The following TMCC3 variants were observed in gnomAD, a reference collection of about 807,000 sequenced individuals.
TMCC3 encodes the protein transmembrane and coiled-coil domain family 3, also known as transmembrane and coiled-coil domain protein 3.
A neutral mutation model predicts 40.2 loss-of-function variants in TMCC3; 28 were observed. The observed-to-expected ratio is 0.70, with a 90% CI of 0.52 to 0.95. The LOEUF (loss-of-function observed/expected upper bound fraction) is 0.95. TMCC3 is among the 40% of genes least tolerant of loss of function. The pLI, the probability that TMCC3 is intolerant of heterozygous loss-of-function variation, is 0.00. For synonymous variants in TMCC3, 255 were observed against 248.5 expected, an observed-to-expected ratio of 1.03 and a Z score of -0.25; for missense variants, 554 against 615.2, an observed-to-expected ratio of 0.90 and a Z score of 1.05.
At chr12:94,647,461 C>A (rs1173057789) in intron 1 of TMCC3, among the ~76,000 whole-genome samples, 2 of 152,194 alleles carry the variant, frequency 1.3e-5, no homozygotes, top group Non-Finnish European at 1.5e-5. Flanking sequence ...AATGACCATT[C>A]AGTAACTAAG....
At chr12:94,595,929 A>G (rs2068712687) in intron 1 of TMCC3, among the ~76,000 whole-genome samples, 1 of 152,252 alleles carries the variant, frequency 6.6e-6, no homozygotes, top group African/African-American at 2.4e-5. Context: ...TGGCATAGAA[A>G]AACAGCCTTA....
At chr12:94,645,996 A>T (rs1406492319) in intron 1 of TMCC3, among the ~76,000 whole-genome samples, 1 of 152,216 alleles carries the variant, frequency 6.6e-6, no homozygotes, top group Non-Finnish European at 1.5e-5. Flanking sequence ...ATTATGTAGA[A>T]GTAGGAACTA....
intron 3 of TMCC3, among the ~76,000 whole-genome samples, chr12:94,574,392 C>CA (rs142348445): frequency 0.028 from 4,032 of 141,854 alleles, 134 homozygotes; most frequent in South Asian, 0.12. Context: ...TCTCAAAAAA[C>CA]AAAAAAAAAA....
chr12:94,639,038 T>A (rs2086779), intron 1 of TMCC3, among the ~76,000 whole-genome samples: 18,451 of 152,288 alleles, frequency 0.12, 1,529 homozygotes, highest in Non-Finnish European at 0.17. Context: ...CCACCCACTA[T>A]CTGTCCTTGC....
At chr12:94,576,025 A>T (rs2068562641) in intron 3 of TMCC3, among the ~76,000 whole-genome samples, 1 of 152,070 alleles carries the variant, frequency 6.6e-6, no homozygotes, top group Non-Finnish European at 1.5e-5. Context: ...TGATCCTTCT[A>T]CCTCAGCCTC....
At chr12:94,611,834 C>A (rs952640008) in intron 1 of TMCC3, among the ~76,000 whole-genome samples, 2 of 151,634 alleles carry the variant, frequency 1.3e-5, no homozygotes, top group African/African-American at 4.8e-5. Context: ...TATTTTTGAC[C>A]CCTGGTTGGT....
rs905803438 is a variant in TMCC3, at chr12:94,571,256, A to G, written c.*179T>C. The G allele has an allele frequency of 3.0e-6, 2 of 659,738 alleles. No homozygotes were observed. Among genetic ancestry groups the G allele is most frequent in the Non-Finnish European group, 5.1e-6 (2 of 393,052 alleles). The allele number at this position is 659,738 out of a possible 1,614,324, so 40.9% of individuals were successfully genotyped here. On this transcript the variant is annotated 3_prime_UTR_variant, in exon 4 of 4. Coordinates refer to ENST00000261226, the MANE Select transcript of TMCC3 (RefSeq NM_020698.4). ...TGAAACAGATTCGTGTTAACGAAGTACAAGGACTGAGTTGGCAACTGCTAC... is the reference window on the plus strand; with the variant it reads ...TGAAACAGATTCGTGTTAACGAAGTGCAAGGACTGAGTTGGCAACTGCTAC...
intron 1 of TMCC3, among the ~76,000 whole-genome samples, chr12:94,612,454 G>A (rs2138860561): frequency 6.6e-6 from 1 of 151,624 alleles, no homozygotes; most frequent in African/African-American, 2.4e-5. Context: ...GAGACTACAG[G>A]TGCCCGCCAC....
At position 94,597,166 on chromosome 12, in the gene TMCC3, A is replaced by ATATATATATATATAT. The variant is rs1491007129; in HGVS notation, c.79-14629_79-14628insATATATATATATATA. On this transcript the variant is annotated intron_variant, in intron 1 of 3. Transcript: ENST00000261226. The stretch of plus-strand genomic sequence containing the variant: ...ATATATATATATATATATGTATATA[A>ATATATATATATATAT]ATTAGCCAGGCCTGCTGGCGTGCCT... 5.8e-4 allele frequency among the ~76,000 whole-genome samples: 53 copies of ATATATATATATATAT among 90,966 alleles called. 2 individuals are homozygous for ATATATATATATATAT. The highest frequency in any genetic ancestry group is 1.6e-3 in the Admixed American group (13 of 8,102). The allele number at this position is 90,966 out of a possible 152,430, so 59.7% of individuals were successfully genotyped here.
intron 1 of TMCC3, among the ~76,000 whole-genome samples, chr12:94,597,145 ATATATATATATATGTATATAAAT>A (rs2068721301): frequency 2.5e-4 from 4 of 15,836 alleles, no homozygotes; most frequent in Non-Finnish European, 5.8e-4. Flanking sequence ...ATATATATAT[ATATATATATATATGTATATAAAT>A]TAGCCAGGCC....
chr12:94,606,266 T>TG (rs2068782252), intron 1 of TMCC3, among the ~76,000 whole-genome samples: 1 of 152,186 alleles, frequency 6.6e-6, no homozygotes, highest in Admixed American at 6.5e-5. Flanking sequence ...ATGAATTTTA[T>TG]GCTCAAAGGG....
chr12:94,570,777 A>C lies in TMCC3; in HGVS notation c.*658T>G, dbSNP rs1165484329. ...GGTTGCCTGGGTATGAGAAGGTGAA[A>C]GCCCCATTCATAAATCCCTATGCCT... On this transcript the variant is annotated 3_prime_UTR_variant, in exon 4 of 4. Coordinates refer to ENST00000261226, the MANE Select transcript of TMCC3 (RefSeq NM_020698.4). The C allele has an allele frequency of 6.5e-6, 1 of 152,746 alleles. No homozygotes were observed. Among genetic ancestry groups the C allele is most frequent in the Non-Finnish European group, 1.5e-5 (1 of 68,144 alleles). 9.5% of individuals were successfully genotyped at this position (152,746 alleles called of 1,614,324 possible).
At chr12:94,646,403 T>A (rs2069018318) in intron 1 of TMCC3, among the ~76,000 whole-genome samples, 1 of 150,306 alleles carries the variant, frequency 6.7e-6, no homozygotes, top group African/African-American at 2.5e-5. Context: ...AAAATTTTTT[T>A]AAATAGCTAA....
In TMCC3 at chr12:94,568,637, GAACA is replaced by G. The variant is rs1281728386; in HGVS notation, c.*2794_*2797del. 1.3e-5 allele frequency: 2 copies of G among 152,144 alleles called. No homozygotes were observed. The highest frequency in any genetic ancestry group is 6.5e-5 in the Admixed American group (1 of 15,272). 9.4% of individuals were successfully genotyped at this position (152,144 alleles called of 1,614,324 possible). A position where few individuals can be genotyped will look rare whatever the true frequency, so the allele number is the denominator to read the frequency against. On this transcript the variant is annotated 3_prime_UTR_variant, in exon 4 of 4. Coordinates refer to ENST00000261226, the MANE Select transcript of TMCC3 (RefSeq NM_020698.4). ...ATTTAATCTCCTTACACATTGAAGA[GAACA>G]AACAGTGGGAGTGTTTATTCCTTAA...
intron 1 of TMCC3, among the ~76,000 whole-genome samples, chr12:94,596,754 A>C (rs1217871105): frequency 6.6e-6 from 1 of 152,008 alleles, no homozygotes; most frequent in Non-Finnish European, 1.5e-5. Flanking sequence ...CTAGCAGCCA[A>C]CTAGGGCAGC....
chr12:94,599,821 C>T (rs1040265973), intron 1 of TMCC3, among the ~76,000 whole-genome samples: 1 of 152,170 alleles, frequency 6.6e-6, no homozygotes, highest in Non-Finnish European at 1.5e-5. Context: ...AAGAGAAAAT[C>T]GTATTAGAAA....
At chr12:94,580,166 T>C (rs1167265523) in intron 2 of TMCC3, among the ~76,000 whole-genome samples, 1 of 152,250 alleles carries the variant, frequency 6.6e-6, no homozygotes, top group Non-Finnish European at 1.5e-5. Context: ...ATCTACCTTT[T>C]TAGAAGTTAA....
chr12:94,645,588 C>T (rs2069013886), intron 1 of TMCC3, among the ~76,000 whole-genome samples: 1 of 152,162 alleles, frequency 6.6e-6, no homozygotes, highest in African/African-American at 2.4e-5. Context: ...CAGGCACCTG[C>T]CACCATGCCG....
intron 3 of TMCC3, among the ~76,000 whole-genome samples, chr12:94,573,729 C>T (rs2138815674): frequency 6.6e-6 from 1 of 152,318 alleles, no homozygotes; most frequent in Non-Finnish European, 1.5e-5. Context: ...CCACCACACA[C>T]AGCTTTATTC....
Sources: allele counts gnomAD v4.1 joint callset (sites outside exome capture counted in the v4.1 genomes callset), GRCh38; gene constraint gnomAD v4.1.1; transcripts MANE v1.5; gene names NCBI Gene and HGNC (gene_info 2026-07-23, HGNC 2026-07-21).